The following KIAA1328 variants were observed in gnomAD, a reference collection of about 807,000 sequenced individuals.
KIAA1328 encodes KIAA1328.
A neutral mutation model predicts 68.1 loss-of-function variants in KIAA1328; 52 were observed. The ratio of observed to expected loss-of-function variants is 0.76; its 90% confidence interval spans 0.61 to 0.96. The LOEUF (loss-of-function observed/expected upper bound fraction) is 0.96, where lower values mean the gene tolerates loss of function less well. Among genes scored for constraint, KIAA1328 ranks in the 40% least tolerant of loss-of-function variants. The pLI, the probability that KIAA1328 is intolerant of heterozygous loss-of-function variation, is 0.00. For synonymous variants in KIAA1328, 232 were observed against 239.4 expected, an observed-to-expected ratio of 0.97 and a Z score of 0.28; for missense variants, 641 against 677.6, an observed-to-expected ratio of 0.95 and a Z score of 0.60.
intron 7 of KIAA1328, among the ~76,000 whole-genome samples, chr18:37,086,879 T>G (rs138265827): frequency 2.1e-3 from 326 of 152,332 alleles, no homozygotes; most frequent in Non-Finnish European, 3.5e-3. Flanking sequence ...CTGATATGCA[T>G]AAGTTACACC....
chr18:36,981,395 A>G (rs1358041238), intron 6 of KIAA1328, among the ~76,000 whole-genome samples: 1 of 152,238 alleles, frequency 6.6e-6, no homozygotes, highest in Admixed American at 6.5e-5. Context: ...GATAAAATTT[A>G]CAACACTGGG....
chr18:37,229,452 A>C, downstream of KIAA1328: 1 of 706,748 alleles, frequency 1.4e-6, no homozygotes, highest in Non-Finnish European at 2.0e-6. Context: ...CCAATAATGA[A>C]AATGAAGTTT....
intron 7 of KIAA1328, among the ~76,000 whole-genome samples, chr18:37,142,268 T>G (rs1052952632): frequency 2.0e-5 from 3 of 152,144 alleles, no homozygotes; most frequent in African/African-American, 7.2e-5. Flanking sequence ...CTTGGCTTAC[T>G]GCATCCTCCG....
chr18:37,082,567 A>G (rs1299084765), intron 7 of KIAA1328, among the ~76,000 whole-genome samples: 15 of 152,222 alleles, frequency 9.9e-5, no homozygotes. Context: ...AAATATTGGG[A>G]AGGCAATCTA....
chr18:36,836,249 G>A (rs1201521489), intron 3 of KIAA1328, among the ~76,000 whole-genome samples: 1 of 151,906 alleles, frequency 6.6e-6, no homozygotes, highest in East Asian at 1.9e-4. Flanking sequence ...TTCACACTGG[G>A]GTGTGAATAG....
At chr18:37,188,798 A>G (rs919980751) in intron 9 of KIAA1328, among the ~76,000 whole-genome samples, 3 of 152,210 alleles carry the variant, frequency 2.0e-5, no homozygotes, top group Non-Finnish European at 4.4e-5. Flanking sequence ...ATTGACTTTT[A>G]TTCAAACTGG....
At chr18:36,846,187 A>G (rs1291782991) in intron 4 of KIAA1328, among the ~76,000 whole-genome samples, 2 of 151,624 alleles carry the variant, frequency 1.3e-5, no homozygotes, top group East Asian at 1.9e-4. Flanking sequence ...TAGAGAACAG[A>G]ATCTCATATA....
intron 7 of KIAA1328, among the ~76,000 whole-genome samples, chr18:37,154,500 T>C (rs2059111623): frequency 6.6e-6 from 1 of 152,214 alleles, no homozygotes; most frequent in Non-Finnish European, 1.5e-5. Context: ...TTGTTTTCCA[T>C]CATTATCTCA....
At chr18:37,032,639 T>A (rs952599262) in intron 6 of KIAA1328, among the ~76,000 whole-genome samples, 2 of 151,844 alleles carry the variant, frequency 1.3e-5, no homozygotes, top group Non-Finnish European at 2.9e-5. Context: ...CTGGCTTTCA[T>A]GATTTGTTTG....
chr18:36,834,126 A>G, intron 1 of KIAA1328, 194 bp from the exon 2 acceptor site: 1 of 876,542 alleles, frequency 1.1e-6, no homozygotes. Context: ...TAATTTTGCT[A>G]CATTTAATTC....
intron 9 of KIAA1328, among the ~76,000 whole-genome samples, chr18:37,218,625 G>A (rs1204046502): frequency 1.3e-5 from 2 of 152,176 alleles, no homozygotes; most frequent in African/African-American, 4.8e-5. Flanking sequence ...GCTTATGCAT[G>A]CGTCACGTAG....
chr18:36,926,381 C>CTTTA (rs1424627252), intron 5 of KIAA1328, among the ~76,000 whole-genome samples: 4 of 109,274 alleles, frequency 3.7e-5, no homozygotes, highest in African/African-American at 1.2e-4. Flanking sequence ...ATCTCTCTCT[C>CTTTA]TCTATTTATT....
chr18:37,151,571 AAG>A (rs1398271115), intron 7 of KIAA1328, among the ~76,000 whole-genome samples: 2 of 152,192 alleles, frequency 1.3e-5, no homozygotes, highest in African/African-American at 2.4e-5. Flanking sequence ...TATTCACCTT[AAG>A]ATGCATAAAT....
intron 6 of KIAA1328, among the ~76,000 whole-genome samples, chr18:37,016,460 T>C (rs1292554818): frequency 6.6e-6 from 1 of 152,164 alleles, no homozygotes; most frequent in Non-Finnish European, 1.5e-5. Flanking sequence ...TGTATCAGAT[T>C]CTGGTATCAG....
rs2059060195 is a variant in KIAA1328 at position 37,152,602 on chromosome 18, T to C, written c.1233-7598T>C. Among the ~76,000 whole-genome samples, 3 of 152,236 alleles carry C rather than the reference T, an allele frequency of 2.0e-5. No homozygotes were observed. The South Asian group carries it at 6.2e-4, about 32-fold the overall frequency. On this transcript the variant is annotated intron_variant, in intron 7 of 9. Coordinates refer to ENST00000280020, the MANE Select transcript of KIAA1328 (RefSeq NM_020776.3). ...GGGTAGCACATTTTGTCTCCTGCAG[T>C]GTCCAGAGTGTCCATACAGTGGCGC... is the stretch of plus-strand genomic sequence containing the variant.
At chr18:37,023,156 C>T (rs1017381349) in intron 6 of KIAA1328, among the ~76,000 whole-genome samples, 1 of 152,152 alleles carries the variant, frequency 6.6e-6, no homozygotes, top group Admixed American at 6.5e-5. Context: ...TTGGCCTCCC[C>T]AAGTGCTGGG....
intron 7 of KIAA1328, among the ~76,000 whole-genome samples, chr18:37,149,926 G>C (rs2058990198): frequency 6.6e-6 from 1 of 152,092 alleles, no homozygotes; most frequent in Non-Finnish European, 1.5e-5. Context: ...ACTGAAAAAG[G>C]ATATATCACT....
intron 4 of KIAA1328, among the ~76,000 whole-genome samples, chr18:36,881,136 G>C (rs917178280): frequency 2.8e-4 from 37 of 131,656 alleles, no homozygotes; most frequent in African/African-American, 9.4e-4. Flanking sequence ...AAGTTAACTT[G>C]TTTTTTTTTT....
intron 4 of KIAA1328, among the ~76,000 whole-genome samples, chr18:36,865,940 C>CT (rs1174793389): frequency 6.6e-6 from 1 of 152,168 alleles, no homozygotes. Context: ...CCACCTCAGG[C>CT]TTTGTCATTC....
Sources: allele counts gnomAD v4.1 joint callset (sites outside exome capture counted in the v4.1 genomes callset), GRCh38; gene constraint gnomAD v4.1.1; transcripts MANE v1.5; gene names NCBI Gene and HGNC (gene_info 2026-07-23, HGNC 2026-07-21).